Variants in M1AP observed in about 807,000 individuals in gnomAD.
The protein encoded by M1AP is meiosis 1 associated protein, also known as meiosis 1 arrest protein.
In M1AP, 39 loss-of-function variants were observed where a neutral mutation model predicts 51.2. That is an observed-to-expected ratio of 0.76 (90% CI 0.59 to 1.00). M1AP has a LOEUF of 1.00. Ranked by LOEUF, M1AP falls within the 50% of genes least tolerant of loss-of-function variation. M1AP has a pLI of 0.00. For synonymous variants in M1AP, 251 were observed against 249.2 expected, an observed-to-expected ratio of 1.01 and a Z score of -0.07; for missense variants, 545 against 641.2, an observed-to-expected ratio of 0.85 and a Z score of 1.62.
At chr2:74,604,824 T>C (rs1044656595) in intron 4 of M1AP, among the ~76,000 whole-genome samples, 1 of 152,172 alleles carries the variant, frequency 6.6e-6, no homozygotes, top group East Asian at 1.9e-4. Context: ...GAAAATGTCA[T>C]TAAGGTACAG....
chr2:74,647,443 G>A (rs888279389), intron 1 of M1AP: 3 of 973,210 alleles, frequency 3.1e-6, no homozygotes, highest in African/African-American at 1.8e-5. Flanking sequence ...TGGGCCCTAA[G>A]GCACTTTCGT....
chr2:74,571,969 C>T (rs191662454), intron 7 of M1AP, among the ~76,000 whole-genome samples: 2,272 of 151,124 alleles, frequency 0.015, 39 homozygotes, highest in Middle Eastern at 0.027. Context: ...GCACTCCAGG[C>T]CTGGGCAACA....
rs188647576 is a variant in M1AP at position 74,558,887 on chromosome 2, C to G, written c.1435-13G>C. The G allele has an allele frequency of 3.2e-6, 5 of 1,571,344 alleles. No homozygotes were observed. The highest frequency in any genetic ancestry group is 4.3e-6 in the Non-Finnish European group (5 of 1,164,672). On this transcript the variant is annotated splice_polypyrimidine_tract_variant and intron_variant, in intron 10 of 10. Coordinates refer to ENST00000421985, the MANE Select transcript of M1AP (RefSeq NM_001321739.2). ...GCAACTGCCCAGTCTGCAAAGAGAG[C>G]AACCAGAGCCTTCTCTGAAGATCAG...
chr2:74,564,643 G>A (rs1184399443), intron 7 of M1AP, among the ~76,000 whole-genome samples: 1 of 152,134 alleles, frequency 6.6e-6, no homozygotes, highest in Non-Finnish European at 1.5e-5. Context: ...AAATCCAAAT[G>A]TGCAGGAAAG....
intron 4 of M1AP, 76 bp from the exon 5 acceptor site, chr2:74,581,923 C>A: frequency 7.2e-7 from 1 of 1,396,142 alleles, no homozygotes; most frequent in Non-Finnish European, 9.9e-7. Context: ...ACACATCCAT[C>A]TTTTCTTTTT....
At chr2:74,590,481 C>G (rs1679977903) in intron 4 of M1AP, among the ~76,000 whole-genome samples, 1 of 152,152 alleles carries the variant, frequency 6.6e-6, no homozygotes, top group East Asian at 1.9e-4. Flanking sequence ...ATAGCAGACT[C>G]CCTTAGCTCT....
intron 4 of M1AP, among the ~76,000 whole-genome samples, chr2:74,596,697 A>G (rs1417821676): frequency 2.0e-5 from 3 of 152,216 alleles, no homozygotes. Flanking sequence ...CTTTCTTCAC[A>G]ATAGTCAAAA....
intron 3 of M1AP, among the ~76,000 whole-genome samples, chr2:74,614,137 G>A (rs1482144175): frequency 1.3e-5 from 2 of 152,196 alleles, no homozygotes. Context: ...CAATGTCAAT[G>A]ACAGTTTCCT....
intron 1 of M1AP, among the ~76,000 whole-genome samples, chr2:74,642,466 G>C (rs541967903): frequency 3.3e-5 from 5 of 152,162 alleles, no homozygotes; most frequent in East Asian, 1.9e-4. Context: ...AGTAAGAATA[G>C]ATGATAGGAA....
chr2:74,621,237 G>A (rs1258594807), intron 2 of M1AP, among the ~76,000 whole-genome samples: 6 of 151,746 alleles, frequency 4.0e-5, no homozygotes, highest in Admixed American at 6.6e-5. Flanking sequence ...AGCAGAGATC[G>A]CGCCACTGCA....
chr2:74,602,271 G>C (rs1403787641), intron 4 of M1AP, among the ~76,000 whole-genome samples: 2 of 152,032 alleles, frequency 1.3e-5, no homozygotes, highest in Non-Finnish European at 2.9e-5. Context: ...TGTGTGCCAA[G>C]TGGAGTGATA....
Position 74,561,085 on chromosome 2 carries a change from GAGGAGAAGGAGA to G in M1AP, c.1282-806_1282-795del, listed in dbSNP as rs1558643524. Among the ~76,000 whole-genome samples, 4 of 112,638 alleles carry G rather than the reference GAGGAGAAGGAGA, an allele frequency of 3.6e-5. No homozygotes were observed. The East Asian group carries it at 8.2e-4, about 23-fold the overall frequency. 73.9% of individuals were successfully genotyped at this position (112,638 alleles called of 152,430 possible). ...AGGGGAGGAGGAGGAGGAGGAGGAG[GAGGAGAAGGAGA>G]AGGAGGAGGAGGAGAAGGAGGAGGA... On this transcript the variant is annotated intron_variant, in intron 8 of 10. Transcript: ENST00000421985.
intron 8 of M1AP, among the ~76,000 whole-genome samples, chr2:74,561,082 GAGGAGGAGA>G (rs1677905013): frequency 9.7e-5 from 7 of 72,334 alleles, no homozygotes; most frequent in African/African-American, 1.3e-4. Flanking sequence ...GGAGGAGGAG[GAGGAGGAGA>G]AGGAGAAGGA....
rs1681589309 is a variant in M1AP at position 74,615,109 on chromosome 2, G to C, written c.281C>G (p.Ser94Ter). The C allele has an allele frequency of 6.2e-7, 1 of 1,614,086 alleles. No individual in the cohort carries two copies. The part of the protein sequence containing the change: ...GNFARLQTCI[S>*]ELRMLQREGC... ...TTCTCTCTGTAACATGCGGAGTTCTGAGATGCAGGTCTGCAACCTAGCAAA... is the reference window on the plus strand; with the variant it reads ...TTCTCTCTGTAACATGCGGAGTTCTCAGATGCAGGTCTGCAACCTAGCAAA... Residue 94 changes from serine (S) to a stop codon, truncating the protein, a stop_gained, in exon 3 of 11, where the codon TCA becomes TGA. Transcript: ENST00000421985. LOFTEE classifies it high-confidence loss of function.
At chr2:74,566,670 G>A (rs1678413828) in intron 7 of M1AP, among the ~76,000 whole-genome samples, 1 of 103,510 alleles carries the variant, frequency 9.7e-6, no homozygotes, top group African/African-American at 3.9e-5. Flanking sequence ...ATGCTACACT[G>A]TAACCTCCAT....
intron 5 of M1AP, among the ~76,000 whole-genome samples, chr2:74,578,147 C>T (rs1679189396): frequency 6.6e-6 from 1 of 152,178 alleles, no homozygotes; most frequent in South Asian, 2.1e-4. Flanking sequence ...GATCCAGTTC[C>T]TAACAGGCCA....
chr2:74,575,420 G>A lies in M1AP; in HGVS notation c.1074+18C>T. 1.2e-6 allele frequency: 2 copies of A among 1,613,122 alleles called. No individual in the cohort carries two copies. Among genetic ancestry groups the A allele is most frequent in the Non-Finnish European group, 1.7e-6 (2 of 1,179,618 alleles). On this transcript the variant is annotated intron_variant, in intron 7 of 10. Coordinates refer to ENST00000421985, the MANE Select transcript of M1AP (RefSeq NM_001321739.2). ...TAAAAACGATTCTTCTTTTTCACCTGGGGACATGGGTACTCACCAGCAGGC... is the reference window on the plus strand; with the variant it reads ...TAAAAACGATTCTTCTTTTTCACCTAGGGACATGGGTACTCACCAGCAGGC...
At chr2:74,647,974 G>C (rs1683703721) in intron 1 of M1AP, 1 of 976,008 alleles carries the variant, frequency 1.0e-6, no homozygotes, top group South Asian at 4.7e-5. Context: ...GGCGCCTACC[G>C]TGCCTGGCGG....
At chr2:74,620,634 G>C (rs1437321120) in intron 2 of M1AP, 1 of 209,912 alleles carries the variant, frequency 4.8e-6, no homozygotes, top group Non-Finnish European at 1.0e-5. Context: ...AGTTTGCCCA[G>C]ACCAGTCCAA....
Sources: allele counts gnomAD v4.1 joint callset (sites outside exome capture counted in the v4.1 genomes callset), GRCh38; gene constraint gnomAD v4.1.1; transcripts MANE v1.5; gene names NCBI Gene and HGNC (gene_info 2026-07-23, HGNC 2026-07-21).